The following DOCK9 variants were observed in gnomAD, a reference collection of about 807,000 sequenced individuals.
DOCK9 encodes dedicator of cytokinesis protein 9.
DOCK9 carries 89 observed loss-of-function variants against 263.3 expected under a neutral mutation model. The ratio of observed to expected loss-of-function variants is 0.34; its 90% CI spans 0.28 to 0.40. The LOEUF is 0.40. Ranked by LOEUF, DOCK9 falls within the 10% of genes least tolerant of loss-of-function variation. DOCK9 has a pLI of 1.00. For synonymous variants in DOCK9, 976 were observed against 973.1 expected, an observed-to-expected ratio of 1.00 and a Z score of -0.06; for missense variants, 2,140 against 2,603.4, an observed-to-expected ratio of 0.82 and a Z score of 3.87.
intron 1 of DOCK9, among the ~76,000 whole-genome samples, chr13:99,045,064 T>C (rs1445150508): frequency 6.6e-6 from 1 of 152,204 alleles, no homozygotes; most frequent in Non-Finnish European, 1.5e-5. Context: ...TGTGGGACTG[T>C]AAATTAGTGA....
Position 98,925,891 on chromosome 13 carries a change from T to C in DOCK9, c.362A>G (p.His121Arg). The C allele has an allele frequency of 6.3e-7, 1 of 1,588,328 alleles. No individual in the cohort carries two copies. Among genetic ancestry groups the C allele is most frequent in the African/African-American group, 1.3e-5 (1 of 74,676 alleles). Residue 121 changes from histidine to arginine, a missense_variant, in exon 4 of 53, where the codon CAT becomes CGT. This residue lies in a region of DOCK9 where 1,521 missense variants were observed against 1,741.7 expected (regional missense o/e 0.87). Transcript: ENST00000682017. ...ATCTTCATATTTATAGTTCACAAGA[T>C]GCCAGTCAGAGTTATAGGTTTTGAT... Reference protein sequence around the residue: ...ECIKTYNSDWHLVNYKYEDYS... With the variant: ...ECIKTYNSDWRLVNYKYEDYS...
At chr13:99,036,762 T>A (rs931426838) in intron 1 of DOCK9, among the ~76,000 whole-genome samples, 8 of 152,192 alleles carry the variant, frequency 5.3e-5, no homozygotes, top group African/African-American at 1.7e-4. Flanking sequence ...ATAGTCTCGA[T>A]CTTCTGACCT....
At chr13:98,815,075 G>A (rs2091723295) in intron 45 of DOCK9, among the ~76,000 whole-genome samples, 1 of 151,990 alleles carries the variant, frequency 6.6e-6, no homozygotes, top group South Asian at 2.1e-4. Flanking sequence ...GTATCTATTG[G>A]ACGAGTGAAT....
At position 98,913,758 on chromosome 13, in the gene DOCK9, A is replaced by ATATT. The variant is rs531868990; in HGVS notation, c.960+569_960+570insAATA. Among the ~76,000 whole-genome samples, 26 of 152,364 alleles carry ATATT rather than the reference A, an allele frequency of 1.7e-4. No homozygotes were observed. In the East Asian group the frequency reaches 5.0e-3, roughly 29 times the overall value. On this transcript the variant is annotated intron_variant, in intron 9 of 52. Coordinates refer to ENST00000682017, the MANE Select transcript of DOCK9 (RefSeq NM_001366683.2). ...ATATGGAAGCTAAAAAGGCAACATC[A>ATATT]TAATAGATATTTAATCTGGGAAGTA... is the stretch of plus-strand genomic sequence containing the variant.
At chr13:98,875,566 G>A (rs570495987) in intron 27 of DOCK9, among the ~76,000 whole-genome samples, 1 of 152,294 alleles carries the variant, frequency 6.6e-6, no homozygotes, top group Non-Finnish European at 1.5e-5. Flanking sequence ...CATGTGGGAG[G>A]AAAGGAAATG....
At chr13:98,933,295 C>A (rs1296306804) in intron 2 of DOCK9, among the ~76,000 whole-genome samples, 1 of 152,048 alleles carries the variant, frequency 6.6e-6, no homozygotes, top group Non-Finnish European at 1.5e-5. Context: ...TTTCCAAACA[C>A]CCCTCTAAGG....
chr13:99,085,974 G>A (rs1037181299), intron 1 of DOCK9, among the ~76,000 whole-genome samples: 3 of 152,176 alleles, frequency 2.0e-5, no homozygotes, highest in African/African-American at 7.2e-5. Context: ...AAATTTCCCA[G>A]GAGGAAGGGG....
At chr13:98,878,349 G>A (rs556345848) in intron 27 of DOCK9, among the ~76,000 whole-genome samples, 1 of 152,278 alleles carries the variant, frequency 6.6e-6, no homozygotes, top group East Asian at 1.9e-4. Flanking sequence ...ATCTTTACCA[G>A]TTTTAAGTGT....
chr13:98,801,312 A>G (rs192340831), intron 49 of DOCK9, among the ~76,000 whole-genome samples: 1 of 152,240 alleles, frequency 6.6e-6, no homozygotes, highest in African/African-American at 2.4e-5. Context: ...CCATTCCCCT[A>G]AAACCCAAAC....
At chr13:98,917,843 G>T (rs1426933183) in intron 7 of DOCK9, among the ~76,000 whole-genome samples, 1 of 152,086 alleles carries the variant, frequency 6.6e-6, no homozygotes, top group Non-Finnish European at 1.5e-5. Context: ...AGATGATCTG[G>T]CACCTTTGAG....
chr13:99,084,414 C>A (rs1335175191), intron 1 of DOCK9, among the ~76,000 whole-genome samples: 1 of 152,172 alleles, frequency 6.6e-6, no homozygotes, highest in East Asian at 1.9e-4. Context: ...GACAAGTGAC[C>A]ACAGACAGAC....
chr13:99,014,463 C>T (rs1359257004), intron 1 of DOCK9, among the ~76,000 whole-genome samples: 2 of 152,174 alleles, frequency 1.3e-5, no homozygotes, highest in Non-Finnish European at 1.5e-5. Flanking sequence ...ATTGCGAGTG[C>T]TAACATAAGA....
upstream of DOCK9, among the ~76,000 whole-genome samples, chr13:98,981,567 C>A (rs186069066): frequency 6.6e-6 from 1 of 152,182 alleles, no homozygotes; most frequent in Non-Finnish European, 1.5e-5. Flanking sequence ...CTGAGTCCAC[C>A]GCCTTCCAGC....
chr13:98,898,618 T>C (rs1445087084), intron 13 of DOCK9, among the ~76,000 whole-genome samples: 1 of 152,222 alleles, frequency 6.6e-6, no homozygotes, highest in Admixed American at 6.5e-5. Flanking sequence ...CTATTTGGTA[T>C]CCATATCAAA....
chr13:99,015,127 C>T (rs1351300242), intron 1 of DOCK9, among the ~76,000 whole-genome samples: 2 of 152,040 alleles, frequency 1.3e-5, no homozygotes, highest in Non-Finnish European at 2.9e-5. Flanking sequence ...TATATAATAC[C>T]CTAAATATAC....
rs774904450 is a variant in DOCK9, at chr13:98,804,954, G to A, written c.5725+45C>T. 3.2e-6 allele frequency: 5 copies of A among 1,547,636 alleles called. No homozygotes were observed. The South Asian group carries it at 5.9e-5, about 18-fold the overall frequency. ...CTGAATCCCTCTGGACAGCTCTTTG[G>A]CGAGGTGTCCGGGCTCGTGTCCATG... On this transcript the variant is annotated intron_variant, in intron 49 of 52. Coordinates refer to ENST00000682017, the MANE Select transcript of DOCK9 (RefSeq NM_001366683.2).
intron 2 of DOCK9, among the ~76,000 whole-genome samples, chr13:98,939,205 C>G (rs1014779990): frequency 3.3e-5 from 5 of 152,230 alleles, no homozygotes; most frequent in African/African-American, 9.6e-5. Flanking sequence ...TCAGTGAGAG[C>G]AGGACTGCAG....
chr13:98,840,435 G>T (rs546330320), intron 38 of DOCK9, among the ~76,000 whole-genome samples: 137 of 152,250 alleles, frequency 9.0e-4, no homozygotes, highest in Non-Finnish European at 1.7e-3. Flanking sequence ...CGGTCCTTCG[G>T]ATTCACTGCT....
At chr13:98,957,484 TA>T (rs2058184344) in intron 1 of DOCK9, among the ~76,000 whole-genome samples, 1 of 151,380 alleles carries the variant, frequency 6.6e-6, no homozygotes. Flanking sequence ...GGACAGAGAC[TA>T]AAAATATGCA....
Sources: allele counts gnomAD v4.1 joint callset (sites outside exome capture counted in the v4.1 genomes callset), GRCh38; gene constraint gnomAD v4.1.1; regional missense constraint gnomAD v4.1.1; transcripts MANE v1.5; gene names NCBI Gene and HGNC (gene_info 2026-07-23, HGNC 2026-07-21).